NRCAM: variants seen among roughly 807,000 people sequenced by gnomAD.
NRCAM encodes neuronal cell adhesion molecule, also known as NgCAM-related cell adhesion molecule.
Under a neutral mutation model 156.5 loss-of-function variants are expected in NRCAM, and 83 were observed. The observed-to-expected ratio is 0.53, with a 90% CI of 0.44 to 0.64. NRCAM has a LOEUF of 0.64. NRCAM is among the 30% of genes least tolerant of loss of function. NRCAM has a pLI of 0.00. For missense variants in NRCAM, 1,417 were observed against 1,597.3 expected, an observed-to-expected ratio of 0.89 and a Z score of 1.92; for synonymous variants, 538 against 563.9, an observed-to-expected ratio of 0.95 and a Z score of 0.65.
At chr7:108,423,024 A>ATT (rs1812247562) in intron 1 of NRCAM, among the ~76,000 whole-genome samples, 1 of 152,046 alleles carries the variant, frequency 6.6e-6, no homozygotes, top group Non-Finnish European at 1.5e-5. Flanking sequence ...CCTAGGCAGG[A>ATT]TGTGAAATAG....
chr7:108,405,436 C>T (rs1044851950), intron 1 of NRCAM, among the ~76,000 whole-genome samples: 3 of 152,174 alleles, frequency 2.0e-5, no homozygotes, highest in African/African-American at 4.8e-5. Flanking sequence ...GGCTTGCAAA[C>T]ACCTCTTTGA....
intron 2 of NRCAM, among the ~76,000 whole-genome samples, chr7:108,332,859 CA>C (rs767410339): frequency 9.5e-4 from 144 of 151,606 alleles, no homozygotes; most frequent in Non-Finnish European, 4.3e-4. Context: ...TCAGACAATT[CA>C]AAGAACAGAA....
chr7:108,191,925 G>GA (rs903208337), intron 17 of NRCAM, 72 bp from the exon 18 acceptor site: 46 of 1,494,416 alleles, frequency 3.1e-5, no homozygotes, highest in Non-Finnish European at 3.9e-5. Context: ...TCACTGGCAG[G>GA]AAAAAAACTG....
chr7:108,302,344 G>A (rs912207153), intron 3 of NRCAM, among the ~76,000 whole-genome samples: 2 of 152,040 alleles, frequency 1.3e-5, no homozygotes, highest in Admixed American at 1.3e-4. Context: ...TCTACAGCTA[G>A]TTCTCTTGGA....
In NRCAM at chr7:108,225,664, A is replaced by G; in HGVS notation, c.759T>C (p.Ser253=). The part of the protein sequence containing the change: ...ELNDTIAANL[S]DTEFYGAKSS... ...ACTCACCACCATAAAACTCAGTGTC[A>G]CTCAAATTAGCAGCTATAGTGTCAT... The change falls in exon 10 of 33, where the codon AGT becomes AGC. Residue 253 remains serine, a synonymous_variant. Transcript: ENST00000379028. The G allele has an allele frequency of 1.9e-6, 3 of 1,597,848 alleles. No individual in the cohort carries two copies. In the South Asian group the frequency reaches 3.3e-5, roughly 18 times the overall value.
intron 2 of NRCAM, among the ~76,000 whole-genome samples, chr7:108,337,980 A>T (rs1227350285): frequency 6.6e-6 from 1 of 152,220 alleles, no homozygotes; most frequent in Non-Finnish European, 1.5e-5. Context: ...TGGCCTCCGG[A>T]CTTAAGACTC....
chr7:108,192,377 T>G (rs932625226), intron 17 of NRCAM, among the ~76,000 whole-genome samples: 1 of 152,074 alleles, frequency 6.6e-6, no homozygotes, highest in Non-Finnish European at 1.5e-5. Flanking sequence ...CTGTATATAT[T>G]ACATGTAATA....
At chr7:108,199,336 G>A (rs1267560955) in intron 13 of NRCAM, among the ~76,000 whole-genome samples, 7 of 152,096 alleles carry the variant, frequency 4.6e-5, no homozygotes, top group South Asian at 2.1e-4. Flanking sequence ...ACCCAAACTC[G>A]AAGTATTTGG....
intron 3 of NRCAM, among the ~76,000 whole-genome samples, chr7:108,282,779 C>T (rs552548652): frequency 1.6e-4 from 24 of 152,302 alleles, no homozygotes; most frequent in African/African-American, 5.3e-4. Flanking sequence ...CACATCTCAA[C>T]GTAGAAACAA....
chr7:108,255,379 G>A (rs2096585445), intron 3 of NRCAM, among the ~76,000 whole-genome samples: 1 of 152,220 alleles, frequency 6.6e-6, no homozygotes, highest in African/African-American at 2.4e-5. Context: ...TGTTGGCTGG[G>A]CTGGTCTCCA....
chr7:108,412,322 C>G (rs1449932890), intron 1 of NRCAM, among the ~76,000 whole-genome samples: 1 of 151,994 alleles, frequency 6.6e-6, no homozygotes, highest in Non-Finnish European at 1.5e-5. Flanking sequence ...AATCTACACC[C>G]AAACCTGGCG....
chr7:108,217,452 T>C (rs567890454), intron 11 of NRCAM, among the ~76,000 whole-genome samples: 21 of 152,330 alleles, frequency 1.4e-4, no homozygotes, highest in African/African-American at 5.0e-4. Flanking sequence ...AGCACTGTGC[T>C]GGGAGATCTG....
intron 13 of NRCAM, among the ~76,000 whole-genome samples, chr7:108,203,489 C>T (rs1287066477): frequency 6.6e-6 from 1 of 151,416 alleles, no homozygotes; most frequent in Non-Finnish European, 1.5e-5. Flanking sequence ...GTCTTAAATG[C>T]AGTCACAGAT....
At chr7:108,372,778 A>C (rs894629010) in intron 2 of NRCAM, among the ~76,000 whole-genome samples, 1 of 152,160 alleles carries the variant, frequency 6.6e-6, no homozygotes, top group Non-Finnish European at 1.5e-5. Flanking sequence ...AGTCACTACA[A>C]AAACAGTATG....
chr7:108,272,749 T>A (rs2097412279), intron 3 of NRCAM, among the ~76,000 whole-genome samples: 1 of 152,044 alleles, frequency 6.6e-6, no homozygotes, highest in South Asian at 2.1e-4. Context: ...CAGAATTCTA[T>A]TTTTTTCTTT....
intron 11 of NRCAM, among the ~76,000 whole-genome samples, chr7:108,221,176 T>C (rs1339870383): frequency 6.6e-6 from 1 of 152,116 alleles, no homozygotes; most frequent in Non-Finnish European, 1.5e-5. Context: ...AGAATGGCCA[T>C]AACCAAAAAA....
intron 3 of NRCAM, among the ~76,000 whole-genome samples, chr7:108,293,795 G>C (rs1045143101): frequency 6.6e-6 from 1 of 152,160 alleles, no homozygotes; most frequent in Admixed American, 6.5e-5. Flanking sequence ...TTTAGGCTCA[G>C]AGAGCTTACG....
At chr7:108,310,661 A>T (rs894937175) in intron 3 of NRCAM, among the ~76,000 whole-genome samples, 1 of 152,222 alleles carries the variant, frequency 6.6e-6, no homozygotes, top group African/African-American at 2.4e-5. Context: ...TAGCCTAGGG[A>T]CATTCTGAGT....
chr7:108,442,666 G>A (rs1356023953), intron 1 of NRCAM, among the ~76,000 whole-genome samples: 1 of 152,178 alleles, frequency 6.6e-6, no homozygotes, highest in Admixed American at 6.5e-5. Flanking sequence ...TAGTACATCT[G>A]CAAAATGACT....
Sources: gnomAD v4.1 joint callset for allele counts (sites outside exome capture counted in the v4.1 genomes callset) on GRCh38, gnomAD v4.1.1 for gene constraint, MANE v1.5 for transcripts, NCBI Gene and HGNC (gene_info 2026-07-23, HGNC 2026-07-21) for gene names.